Variants in CENPP observed in about 807,000 individuals in gnomAD.
CENPP encodes the protein centromere protein P.
A neutral mutation model predicts 35.6 loss-of-function variants in CENPP; 24 were observed. The ratio of observed to expected loss-of-function variants is 0.67; its 90% CI spans 0.49 to 0.95. The LOEUF is 0.95. Ranked by LOEUF, CENPP falls within the 40% of genes least tolerant of loss-of-function variation. The pLI is 0.00. For missense variants in CENPP, 332 were observed against 345.3 expected, an observed-to-expected ratio of 0.96 and a Z score of 0.31; for synonymous variants, 120 against 125.5, an observed-to-expected ratio of 0.96 and a Z score of 0.29.
chr9:92,404,581 G>A, intron 5 of CENPP: 1 of 1,292,860 alleles, frequency 7.7e-7, no homozygotes, highest in Non-Finnish European at 1.0e-6. Flanking sequence ...GGGTGAATGA[G>A]AAAAGCTATG....
Position 92,379,822 on chromosome 9 carries a change from G to A in CENPP, c.527G>A (p.Trp176Ter). The change falls in exon 5 of 8, where the codon TGG becomes TAG. Residue 176 changes from tryptophan to a stop codon, truncating the protein, a stop_gained. Transcript: ENST00000375587. LOFTEE classifies it high-confidence loss of function. ...CGAAGCCTGCATTTTTTTGTGGAGTGGTTTGAATATCGTAAGCGCACGTTT... is the reference window on the plus strand; with the variant it reads ...CGAAGCCTGCATTTTTTTGTGGAGTAGTTTGAATATCGTAAGCGCACGTTT... ...FFRSLHFFVE[W>*]FEYRKRTFKH... 6.2e-7 allele frequency: 1 copy of A among 1,613,294 alleles called. No individual in the cohort carries two copies. Among genetic ancestry groups the A allele is most frequent in the African/African-American group, 1.3e-5 (1 of 75,008 alleles).
At chr9:92,389,257 T>C (rs1842568617) in intron 5 of CENPP, among the ~76,000 whole-genome samples, 1 of 152,184 alleles carries the variant, frequency 6.6e-6, no homozygotes, top group African/African-American at 2.4e-5. Flanking sequence ...TTGAGACAAA[T>C]TGTCTACCTA....
At chr9:92,533,205 C>T (rs1253660884) in intron 5 of CENPP, among the ~76,000 whole-genome samples, 3 of 144,652 alleles carry the variant, frequency 2.1e-5, no homozygotes, top group Admixed American at 1.4e-4. Flanking sequence ...GAAGCTGAGG[C>T]AGGAGAATCA....
chr9:92,445,853 G>A (rs972793066), intron 5 of CENPP, among the ~76,000 whole-genome samples: 1 of 151,666 alleles, frequency 6.6e-6, no homozygotes, highest in African/African-American at 2.4e-5. Flanking sequence ...CTGCACTCCA[G>A]CCTGGACGAC....
intron 5 of CENPP, among the ~76,000 whole-genome samples, chr9:92,528,373 G>A (rs948372366): frequency 2.0e-5 from 3 of 151,662 alleles, no homozygotes; most frequent in African/African-American, 7.2e-5. Flanking sequence ...GAAATCTGAG[G>A]ACACCAAAGA....
intron 5 of CENPP, among the ~76,000 whole-genome samples, chr9:92,425,570 AATAAG>A (rs550408785): frequency 1.4e-3 from 212 of 152,348 alleles, no homozygotes; most frequent in African/African-American, 4.7e-3. Context: ...TTTACAAACT[AATAAG>A]ATAAAGTGAA....
At chr9:92,602,835 C>A (rs1850959786) in intron 5 of CENPP, among the ~76,000 whole-genome samples, 1 of 132,848 alleles carries the variant, frequency 7.5e-6, no homozygotes, top group Admixed American at 7.3e-5. Context: ...TCAAATTAAA[C>A]TTTTTTTTTT....
chr9:92,457,554 C>A (rs570011459), intron 5 of CENPP: 2 of 1,172,272 alleles, frequency 1.7e-6, no homozygotes, highest in African/African-American at 1.5e-5. Context: ...ACTCTGTAGT[C>A]GCCATTTGTT....
intron 5 of CENPP, chr9:92,495,724 A>G: frequency 1.1e-6 from 1 of 926,638 alleles, no homozygotes; most frequent in Non-Finnish European, 1.3e-6. Flanking sequence ...ATGATTTTCA[A>G]AACCAGGAAA....
chr9:92,463,212 A>T (rs1845181459), intron 5 of CENPP, among the ~76,000 whole-genome samples: 1 of 152,220 alleles, frequency 6.6e-6, no homozygotes, highest in South Asian at 2.1e-4. Context: ...AGACATTTTC[A>T]TCCTGTCCAC....
At chr9:92,610,069 GTTTT>G (rs1010165382) in intron 5 of CENPP, among the ~76,000 whole-genome samples, 1 of 151,548 alleles carries the variant, frequency 6.6e-6, no homozygotes, top group African/African-American at 2.4e-5. Flanking sequence ...TTGTTTGTTT[GTTTT>G]GAGACGGAGT....
At chr9:92,491,855 T>A (rs1846180499) in intron 5 of CENPP, among the ~76,000 whole-genome samples, 1 of 152,158 alleles carries the variant, frequency 6.6e-6, no homozygotes, top group African/African-American at 2.4e-5. Flanking sequence ...GCTTCAGCAT[T>A]TTTCAGTGGT....
rs1842407672 is a variant in CENPP at position 92,386,069 on chromosome 9, A to C, written c.564+6210A>C. 7.3e-6 allele frequency: 5 copies of C among 687,420 alleles called. No homozygotes were observed. In the East Asian group the frequency reaches 1.3e-4, roughly 18 times the overall value. The allele number at this position is 687,420 out of a possible 1,614,324, so 42.6% of individuals were successfully genotyped here. A position where few individuals can be genotyped will look rare whatever the true frequency, so the allele number is the denominator to read the frequency against. On this transcript the variant is annotated intron_variant, in intron 5 of 7. Coordinates refer to ENST00000375587, the MANE Select transcript of CENPP (RefSeq NM_001012267.3). ...CCTAGTATTAATCTTTTTGATAGGC[A>C]GACATTTAGCTATCACGCTACTACA...
rs568291301 is a variant in CENPP, at chr9:92,527,094, C to T, written c.565-84220C>T. ...CACCATCTCAGCTCACTGCAACCTC[C>T]GCTTCCTGGGCTCGAGCCAATCTCA... is the stretch of plus-strand genomic sequence containing the variant. On this transcript the variant is annotated intron_variant, in intron 5 of 7. Transcript: ENST00000375587. 1.8e-4 allele frequency among the ~76,000 whole-genome samples: 27 copies of T among 152,268 alleles called. No individual in the cohort carries two copies. In the South Asian group the frequency reaches 3.5e-3, roughly 20 times the overall value.
At chr9:92,371,809 A>G (rs2130853386) in intron 4 of CENPP, among the ~76,000 whole-genome samples, 1 of 149,676 alleles carries the variant, frequency 6.7e-6, no homozygotes, top group Non-Finnish European at 1.5e-5. Flanking sequence ...TATATTTAGA[A>G]TTGTTACATG....
intron 5 of CENPP, among the ~76,000 whole-genome samples, chr9:92,553,004 G>C (rs896807365): frequency 2.0e-5 from 3 of 150,992 alleles, no homozygotes; most frequent in Non-Finnish European, 3.0e-5. Context: ...GTCTAGAAGG[G>C]TTTTCCCAAT....
In CENPP at chr9:92,615,773, A is replaced by G; in HGVS notation, c.*2624A>G. 7.3e-7 allele frequency: 1 copy of G among 1,375,872 alleles called. No homozygotes were observed. The highest frequency in any genetic ancestry group is 2.3e-5 in the East Asian group (1 of 43,610). The allele number at this position is 1,375,872 out of a possible 1,614,324, so 85.2% of individuals were successfully genotyped here. The stretch of plus-strand genomic sequence containing the variant: ...AAGGTCACCCAACACAACAGAAAAT[A>G]TCTCTATCATTCAGCCTTCACATTA... On this transcript the variant is annotated 3_prime_UTR_variant, in exon 8 of 8. Coordinates refer to ENST00000375587, the MANE Select transcript of CENPP (RefSeq NM_001012267.3).
intron 5 of CENPP, chr9:92,416,676 C>T (rs1175169577): frequency 6.2e-7 from 1 of 1,609,644 alleles, no homozygotes; most frequent in South Asian, 1.1e-5. Flanking sequence ...ATATAGAATG[C>T]TTGCTTCAAT....
rs1843616668 is a variant in CENPP at position 92,416,497 on chromosome 9, T to TA, written c.564+36640dup. ...CTGGGGCAGATTTCTGCCATTCCCT[T>TA]AAGCAACTTCAAAACAACTATTTTC... On this transcript the variant is annotated intron_variant, in intron 5 of 7. Coordinates refer to ENST00000375587, the MANE Select transcript of CENPP (RefSeq NM_001012267.3). 4.7e-6 allele frequency: 3 copies of TA among 632,396 alleles called. No homozygotes were observed. The South Asian group carries it at 7.9e-5, about 17-fold the overall frequency. 39.2% of individuals were successfully genotyped at this position (632,396 alleles called of 1,614,324 possible). A position where few individuals can be genotyped will look rare whatever the true frequency, so the allele number is the denominator to read the frequency against.
Sources: gnomAD v4.1 joint callset for allele counts (sites outside exome capture counted in the v4.1 genomes callset) on GRCh38, gnomAD v4.1.1 for gene constraint, MANE v1.5 for transcripts, NCBI Gene and HGNC (gene_info 2026-07-23, HGNC 2026-07-21) for gene names.